The following UBE2V2 variants were observed in gnomAD, a reference collection of about 807,000 sequenced individuals.
The protein encoded by UBE2V2 is ubiquitin conjugating enzyme E2 V2.
UBE2V2 carries 9 observed loss-of-function variants against 17.2 expected under a neutral mutation model. The observed-to-expected ratio is 0.52, with a 90% CI of 0.32 to 0.91. The LOEUF is 0.91. Among genes scored for constraint, UBE2V2 ranks in the 40% least tolerant of loss-of-function variants. The probability of loss-of-function intolerance (pLI) is 0.04; values close to 1 mark genes in which losing one functional copy is unlikely to be tolerated. For synonymous variants in UBE2V2, 61 were observed against 57.5 expected, an observed-to-expected ratio of 1.06 and a Z score of -0.28; for missense variants, 133 against 182.6, an observed-to-expected ratio of 0.73 and a Z score of 1.56.
chr8:48,005,212 C>T (rs530444477), upstream of UBE2V2, among the ~76,000 whole-genome samples: 8 of 152,022 alleles, frequency 5.3e-5, no homozygotes, highest in African/African-American at 1.7e-4. Flanking sequence ...TGTTCCCCTC[C>T]CTGTGTCCAT....
chr8:48,002,755 A>G, the UBE2V2 span, among the ~76,000 whole-genome samples: 4 of 152,314 alleles, frequency 2.6e-5, no homozygotes, highest in African/African-American at 9.6e-5. Flanking sequence ...ATAAATTCAG[A>G]TCTATAGTTA....
chr8:48,053,246 TGTTA>T (rs1339103227), intron 3 of UBE2V2, among the ~76,000 whole-genome samples: 1 of 152,130 alleles, frequency 6.6e-6, no homozygotes, highest in Non-Finnish European at 1.5e-5. Context: ...TCTATTGCTC[TGTTA>T]GAGTCACTCT....
chr8:48,032,597 A>T (rs2091391317), intron 1 of UBE2V2, among the ~76,000 whole-genome samples: 1 of 152,068 alleles, frequency 6.6e-6, no homozygotes. Context: ...TACTAAAAAT[A>T]TTTTAAAAAT....
chr8:48,010,685 C>T (rs1488115841), intron 1 of UBE2V2, among the ~76,000 whole-genome samples: 1 of 147,954 alleles, frequency 6.8e-6, no homozygotes. Context: ...AGCCACTGCG[C>T]CTGGGTTTGT....
intron 3 of UBE2V2, among the ~76,000 whole-genome samples, chr8:48,056,736 G>A (rs1312747388): frequency 6.6e-6 from 1 of 151,812 alleles, no homozygotes; most frequent in African/African-American, 2.4e-5. Context: ...TTTTTTGTTT[G>A]TTTTTGAGAC....
At chr8:48,030,796 C>T (rs1466852576) in intron 1 of UBE2V2, among the ~76,000 whole-genome samples, 8 of 151,906 alleles carry the variant, frequency 5.3e-5, no homozygotes, top group Non-Finnish European at 1.2e-4. Context: ...CTGAGGTGGG[C>T]GGATCACTTG....
chr8:48,019,814 CA>C (rs989791156), intron 1 of UBE2V2, among the ~76,000 whole-genome samples: 21 of 140,710 alleles, frequency 1.5e-4, no homozygotes, highest in Admixed American at 2.9e-4. Context: ...GACTCCGTTT[CA>C]AAAAAAAAAA....
chr8:48,033,023 G>A (rs1055592110), intron 1 of UBE2V2, among the ~76,000 whole-genome samples: 4 of 152,082 alleles, frequency 2.6e-5, no homozygotes, highest in African/African-American at 9.7e-5. Context: ...ATTCCACTGA[G>A]GATGCCTTGA....
chr8:48,060,614 T>C, intron 3 of UBE2V2, 68 bp from the exon 4 acceptor site: 1 of 1,318,704 alleles, frequency 7.6e-7, no homozygotes. Flanking sequence ...TATTAAAATA[T>C]GCTTAACAAA....
In UBE2V2 at chr8:48,058,064, C is replaced by T. The variant is rs537305120; in HGVS notation, c.292-2618C>T. Among the ~76,000 whole-genome samples the T allele has an allele frequency of 2.5e-3, 380 of 152,142 alleles. 3 individuals carry two copies. Among genetic ancestry groups the T allele is most frequent in the African/African-American group, 8.9e-3 (368 of 41,514 alleles). On this transcript the variant is annotated intron_variant, in intron 3 of 3. Coordinates refer to ENST00000523111, the MANE Select transcript of UBE2V2 (RefSeq NM_003350.3). ...TGAGAACGGGGCCAGGTGGTGGTGG[C>T]GGCTCATGCCTGTAATCCCAGTGGT...
intron 1 of UBE2V2, among the ~76,000 whole-genome samples, chr8:48,026,989 A>T (rs72633908): frequency 0.057 from 8,671 of 151,850 alleles, 408 homozygotes; most frequent in Middle Eastern, 0.15. Flanking sequence ...CCAAAGGGAG[A>T]CTTCTTTTTT....
intron 1 of UBE2V2, among the ~76,000 whole-genome samples, chr8:48,033,664 T>C (rs975524715): frequency 1.3e-5 from 2 of 152,020 alleles, no homozygotes; most frequent in Admixed American, 6.6e-5. Flanking sequence ...CAAACTCTTA[T>C]TAAAAGTCCT....
intron 1 of UBE2V2, among the ~76,000 whole-genome samples, chr8:48,040,300 A>G (rs2091453016): frequency 6.6e-6 from 1 of 152,148 alleles, no homozygotes; most frequent in African/African-American, 2.4e-5. Context: ...CTTACAATAG[A>G]ATTATCAAAA....
chr8:48,060,657 A>G (rs1386731201), intron 3 of UBE2V2, 25 bp from the exon 4 acceptor site: 2 of 1,421,062 alleles, frequency 1.4e-6, no homozygotes. Context: ...TTGCTAGTTA[A>G]CTGTACTCTT....
the UBE2V2 span, among the ~76,000 whole-genome samples, chr8:48,002,310 GATA>G: frequency 1.3e-5 from 2 of 152,140 alleles, no homozygotes; most frequent in African/African-American, 4.8e-5. Context: ...AATGGATAAA[GATA>G]ATGTGGCATA....
At chr8:48,008,217 C>T (rs929520714), upstream of UBE2V2, among the ~76,000 whole-genome samples, 1 of 152,172 alleles carries the variant, frequency 6.6e-6, no homozygotes, top group East Asian at 1.9e-4. Context: ...CCACCGCGCC[C>T]GGCCCTCATG....
chr8:48,060,283 T>G (rs1279436681), intron 3 of UBE2V2, among the ~76,000 whole-genome samples: 1 of 150,196 alleles, frequency 6.7e-6, no homozygotes, highest in Non-Finnish European at 1.5e-5. Context: ...AAGAAAAATC[T>G]GAAAGAAGAG....
At chr8:48,001,263 T>C in the UBE2V2 span, among the ~76,000 whole-genome samples, 1 of 152,114 alleles carries the variant, frequency 6.6e-6, no homozygotes, top group African/African-American at 2.4e-5. Flanking sequence ...GAAAATACAA[T>C]TAAGGCTGTT....
At position 48,012,907 on chromosome 8, in the gene UBE2V2, G is replaced by A. The variant is rs528436919; in HGVS notation, c.16+4437G>A. On this transcript the variant is annotated intron_variant, in intron 1 of 3. Transcript: ENST00000523111. ...GTCGCCCAGGCTAGAGAGCAGTGGC[G>A]TGATCTGGGCTCACTGCAACCTCTG... Among the ~76,000 whole-genome samples, 9 of 151,906 alleles carry A rather than the reference G, an allele frequency of 5.9e-5. No homozygotes were observed. In the East Asian group the frequency reaches 1.8e-3, roughly 30 times the overall value.
Sources: gnomAD v4.1 joint callset for allele counts (sites outside exome capture counted in the v4.1 genomes callset) on GRCh38, gnomAD v4.1.1 for gene constraint, MANE v1.5 for transcripts, NCBI Gene and HGNC (gene_info 2026-07-23, HGNC 2026-07-21) for gene names.